DOCK1: variants seen among roughly 807,000 people sequenced by gnomAD.
DOCK1 encodes the protein dedicator of cytokinesis protein 1.
In DOCK1, 138 loss-of-function variants were observed where a neutral mutation model predicts 262.7. The observed-to-expected ratio is 0.53, with a 90% CI of 0.46 to 0.61. The LOEUF (loss-of-function observed/expected upper bound fraction) is 0.61. Among genes scored for constraint, DOCK1 ranks in the 20% least tolerant of loss-of-function variants. DOCK1 has a pLI of 0.00. For synonymous variants in DOCK1, 866 were observed against 867.4 expected, an observed-to-expected ratio of 1.00 and a Z score of 0.03; for missense variants, 1,908 against 2,370.7, an observed-to-expected ratio of 0.80 and a Z score of 4.05.
chr10:127,309,339 A>C (rs2061982391), intron 29 of DOCK1, among the ~76,000 whole-genome samples: 1 of 151,724 alleles, frequency 6.6e-6, no homozygotes, highest in South Asian at 2.1e-4. Flanking sequence ...TGGATATCAG[A>C]CCTTTGTCAG....
intron 1 of DOCK1, among the ~76,000 whole-genome samples, chr10:126,956,428 G>A (rs955277348): frequency 1.3e-5 from 2 of 152,274 alleles, no homozygotes; most frequent in South Asian, 4.1e-4. Context: ...ACCAGGTCCT[G>A]GTGCAGCTGA....
intron 29 of DOCK1, among the ~76,000 whole-genome samples, chr10:127,316,984 G>A (rs1162015594): frequency 6.6e-6 from 1 of 152,072 alleles, no homozygotes; most frequent in Non-Finnish European, 1.5e-5. Context: ...TGTCCACTGT[G>A]CCGTCACTGG....
intron 49 of DOCK1, among the ~76,000 whole-genome samples, chr10:127,443,635 C>T (rs1469651257): frequency 6.6e-6 from 1 of 151,404 alleles, no homozygotes; most frequent in Non-Finnish European, 1.5e-5. Context: ...TTGCTCATTA[C>T]CGCCACCCCA....
At chr10:127,303,568 C>T (rs909877404) in intron 29 of DOCK1, among the ~76,000 whole-genome samples, 3 of 117,184 alleles carry the variant, frequency 2.6e-5, no homozygotes, top group African/African-American at 1.2e-4. Flanking sequence ...TGGCTCACAC[C>T]TGTAATCCCA....
At chr10:127,041,555 C>T (rs138314536) in intron 19 of DOCK1, among the ~76,000 whole-genome samples, 23 of 152,202 alleles carry the variant, frequency 1.5e-4, no homozygotes, top group Non-Finnish European at 2.9e-4. Context: ...CATATGTTTC[C>T]TTTCTTTTGG....
intron 27 of DOCK1, among the ~76,000 whole-genome samples, chr10:127,190,682 C>CCG (rs1564887965): frequency 6.9e-5 from 3 of 43,734 alleles, no homozygotes; most frequent in Non-Finnish European, 9.9e-5. Context: ...CCCCCCCCCC[C>CCG]CGTTCCTGCT....
chr10:127,444,901 G>C (rs1438603885), intron 50 of DOCK1, among the ~76,000 whole-genome samples: 2 of 151,360 alleles, frequency 1.3e-5, no homozygotes, highest in African/African-American at 2.4e-5. Context: ...TCCTTGGCTT[G>C]TGGCCACATC....
chr10:127,084,817 C>T (rs990265931), intron 23 of DOCK1, among the ~76,000 whole-genome samples: 1 of 152,118 alleles, frequency 6.6e-6, no homozygotes, highest in African/African-American at 2.4e-5. Flanking sequence ...GGTTGATGGG[C>T]AGAGCTGGCT....
At chr10:126,970,226 C>T (rs1391870737) in intron 1 of DOCK1, among the ~76,000 whole-genome samples, 1 of 152,120 alleles carries the variant, frequency 6.6e-6, no homozygotes, top group African/African-American at 2.4e-5. Flanking sequence ...ACATTTCTTG[C>T]TTATCATTGT....
At chr10:127,329,501 T>TGAGCAGACACTGGGGTGCTGGGGC (rs1238654344) in intron 29 of DOCK1, among the ~76,000 whole-genome samples, 1 of 143,520 alleles carries the variant, frequency 7.0e-6, no homozygotes, top group Non-Finnish European at 1.5e-5. Flanking sequence ...GTCTCTGGGG[T>TGAGCAGACACTGGGGTGCTGGGGC]GAGCAGACAC....
chr10:127,068,951 A>G (rs1489077813), intron 23 of DOCK1, among the ~76,000 whole-genome samples: 1 of 152,218 alleles, frequency 6.6e-6, no homozygotes, highest in African/African-American at 2.4e-5. Flanking sequence ...TTGAGGGCAC[A>G]TAGCTGGTTT....
At chr10:126,976,624 C>A (rs2038562274) in intron 2 of DOCK1, among the ~76,000 whole-genome samples, 1 of 152,140 alleles carries the variant, frequency 6.6e-6, no homozygotes, top group African/African-American at 2.4e-5. Flanking sequence ...TGTAAAGAAA[C>A]CCAGTATTTG....
chr10:127,058,237 T>C (rs1166774500), intron 22 of DOCK1, among the ~76,000 whole-genome samples: 1 of 152,102 alleles, frequency 6.6e-6, no homozygotes, highest in Non-Finnish European at 1.5e-5. Flanking sequence ...AATCATGCCT[T>C]ATAGATTTTG....
chr10:127,257,400 C>T lies in DOCK1; in HGVS notation c.3015C>T (p.Asp1005=), dbSNP rs1464524007. Residue 1005 remains aspartate, a synonymous_variant, in exon 29 of 52, where the codon GAC becomes GAT. Coordinates refer to ENST00000623213, the MANE Select transcript of DOCK1 (RefSeq NM_001290223.2). ...NLIGKNVYPF[D]WVIMNMVQNK... ...TTGGAAAGAACGTTTACCCCTTCGA[C>T]TGGGTGATCATGAACATGGTGCAAA... The T allele has an allele frequency of 1.9e-6, 3 of 1,607,420 alleles. No individual in the cohort carries two copies. The highest frequency in any genetic ancestry group is 2.5e-6 in the Non-Finnish European group (3 of 1,176,590).
At chr10:127,150,868 T>C (rs1426422972) in intron 27 of DOCK1, among the ~76,000 whole-genome samples, 1 of 152,194 alleles carries the variant, frequency 6.6e-6, no homozygotes, top group Non-Finnish European at 1.5e-5. Flanking sequence ...AAAATTGGTG[T>C]GGCTCATGGC....
intron 27 of DOCK1, among the ~76,000 whole-genome samples, chr10:127,199,102 A>G (rs1233240764): frequency 2.6e-5 from 4 of 152,322 alleles, no homozygotes; most frequent in Admixed American, 1.3e-4. Context: ...TTAGGAATCA[A>G]TTGGTATTGG....
At chr10:127,115,903 C>T (rs1372820180) in intron 25 of DOCK1, among the ~76,000 whole-genome samples, 1 of 152,154 alleles carries the variant, frequency 6.6e-6, no homozygotes, top group Admixed American at 6.5e-5. Context: ...TTCCATATTC[C>T]CATTTCTATA....
At chr10:127,152,109 T>C (rs1228651213) in intron 27 of DOCK1, among the ~76,000 whole-genome samples, 1 of 152,198 alleles carries the variant, frequency 6.6e-6, no homozygotes, top group Non-Finnish European at 1.5e-5. Context: ...CTTGACTCAC[T>C]GTTGCTTGGT....
Position 127,175,140 on chromosome 10 carries a change from G to T in DOCK1, c.2847+47376G>T. 1 of 1,339,402 alleles carries T rather than the reference G, an allele frequency of 7.5e-7. No homozygotes were observed. The highest frequency in any genetic ancestry group is 1.0e-6 in the Non-Finnish European group (1 of 959,770). 83.0% of individuals were successfully genotyped at this position (1,339,402 alleles called of 1,614,324 possible). A position where few individuals can be genotyped will look rare whatever the true frequency, so the allele number is the denominator to read the frequency against. On this transcript the variant is annotated intron_variant, in intron 27 of 51. Transcript: ENST00000623213. The surrounding 1 kb of genome is among the most constrained non-coding windows in gnomAD (Gnocchi z 6.3). ...GGCTTTAGTCTCATTACAGACTTGG[G>T]TTTGGGGCTACAGATGGACTCTGTG...
Sources: allele counts gnomAD v4.1 joint callset (sites outside exome capture counted in the v4.1 genomes callset), GRCh38; gene constraint gnomAD v4.1.1; non-coding constraint Gnocchi (gnomAD v3.1); transcripts MANE v1.5; gene names NCBI Gene and HGNC (gene_info 2026-07-23, HGNC 2026-07-21).